The following TASP1 variants were observed in gnomAD, a reference collection of about 807,000 sequenced individuals.
TASP1 encodes the protein threonine aspartase 1.
In TASP1, 16 loss-of-function variants were observed where a neutral mutation model predicts 56.6. The ratio of observed to expected loss-of-function variants is 0.28; its 90% CI spans 0.19 to 0.43. The LOEUF (loss-of-function observed/expected upper bound fraction) is 0.43. Ranked by LOEUF, TASP1 falls within the 20% of genes least tolerant of loss-of-function variation. TASP1 has a pLI of 1.00. For synonymous variants in TASP1, 179 were observed against 184.2 expected (o/e 0.97, Z 0.23); for missense variants, 393 against 511.6 (o/e 0.77, Z 2.24).
At chr20:13,330,178 C>T in the TASP1 span, among the ~76,000 whole-genome samples, 2 of 152,182 alleles carry the variant, frequency 1.3e-5, no homozygotes, top group Non-Finnish European at 2.9e-5. Flanking sequence ...GCTGTCTGAA[C>T]TCCTGACCTC....
At chr20:13,153,906 C>T in the TASP1 span, 2 of 1,495,832 alleles carry the variant, frequency 1.3e-6, no homozygotes, top group African/African-American at 2.8e-5. Context: ...GTGCTGCTGG[C>T]CTGCAGAAAG....
chr20:13,638,362 T>C (rs911245186), intron 1 of TASP1, among the ~76,000 whole-genome samples: 4 of 150,586 alleles, frequency 2.7e-5, no homozygotes, highest in Admixed American at 6.6e-5. Context: ...GCTCCTGCTT[T>C]CCCCCCCTCC....
At chr20:13,393,569 T>C in intron 13 of TASP1, 1 of 857,748 alleles carries the variant, frequency 1.2e-6, no homozygotes, top group East Asian at 2.4e-5. Context: ...GGGCTGGCAA[T>C]GCCCTCAACA....
intron 10 of TASP1, among the ~76,000 whole-genome samples, chr20:13,506,134 TTAGA>T (rs2044122571): frequency 6.6e-6 from 1 of 152,010 alleles, no homozygotes; most frequent in Non-Finnish European, 1.5e-5. Flanking sequence ...TGCTAACAAA[TTAGA>T]TAACCTAGTA....
chr20:13,309,287 A>T, the TASP1 span, among the ~76,000 whole-genome samples: 1 of 144,524 alleles, frequency 6.9e-6, no homozygotes, highest in African/African-American at 2.5e-5. Flanking sequence ...TTATTTCTTT[A>T]AAAAAAAAAA....
At chr20:13,583,998 G>C (rs1601338019) in intron 5 of TASP1, among the ~76,000 whole-genome samples, 1 of 152,216 alleles carries the variant, frequency 6.6e-6, no homozygotes, top group African/African-American at 2.4e-5. Context: ...AGAATCACTT[G>C]AACCCAAGAG....
rs752863771 is a variant in TASP1, at chr20:13,634,835, C to A, written c.-75+4059G>T. ...CCTGAGGTCGGGAGTTCAAGACCAG[C>A]CTGACCAACAAGGAGAAACCCCGTC... On this transcript the variant is annotated intron_variant, in intron 1 of 13. Transcript: ENST00000337743. Among the ~76,000 whole-genome samples, 41 of 151,472 alleles carry A rather than the reference C, an allele frequency of 2.7e-4. 1 individual carries two copies. Among genetic ancestry groups the A allele is most frequent in the Admixed American group, 6.6e-4 (10 of 15,202 alleles).
chr20:13,505,292 A>T (rs1353964359), intron 10 of TASP1, among the ~76,000 whole-genome samples: 1 of 152,204 alleles, frequency 6.6e-6, no homozygotes, highest in Non-Finnish European at 1.5e-5. Flanking sequence ...TGAAGAGGAC[A>T]GATAGCAATA....
At chr20:13,210,407 T>C in the TASP1 span, among the ~76,000 whole-genome samples, 1 of 152,182 alleles carries the variant, frequency 6.6e-6, no homozygotes, top group Non-Finnish European at 1.5e-5. Context: ...ATAATGCAAA[T>C]GTCCAAAAAT....
At position 13,502,737 on chromosome 20, in the gene TASP1, A is replaced by G. The variant is rs142275304; in HGVS notation, c.875-19400T>C. ...TGACATAAGCAAGATGGTGGAATAG[A>G]AGTTTTCTATCATCAATCCCCTAAA... On this transcript the variant is annotated intron_variant, in intron 10 of 13. Coordinates refer to ENST00000337743, the MANE Select transcript of TASP1 (RefSeq NM_017714.3). Among the ~76,000 whole-genome samples, 381 of 152,252 alleles carry G rather than the reference A, an allele frequency of 2.5e-3. 1 individual carries two copies. The highest frequency in any genetic ancestry group is 6.8e-3 in the Middle Eastern group (2 of 294).
At chr20:13,489,263 A>C (rs2043434813) in intron 10 of TASP1, among the ~76,000 whole-genome samples, 1 of 152,194 alleles carries the variant, frequency 6.6e-6, no homozygotes, top group Non-Finnish European at 1.5e-5. Context: ...CCTTAGCCTG[A>C]AAGTGACAAA....
At chr20:13,388,305 G>C (rs2041178875), downstream of TASP1, among the ~76,000 whole-genome samples, 1 of 152,028 alleles carries the variant, frequency 6.6e-6, no homozygotes, top group African/African-American at 2.4e-5. Context: ...TATCCGATCT[G>C]ATAAGGAAGG....
chr20:13,620,411 A>G (rs1168488559), intron 4 of TASP1, among the ~76,000 whole-genome samples: 2 of 152,222 alleles, frequency 1.3e-5, no homozygotes, highest in South Asian at 2.1e-4. Flanking sequence ...CATTTTTTAA[A>G]TATACAGCCA....
chr20:13,125,289 C>G, the TASP1 span, among the ~76,000 whole-genome samples: 1 of 152,182 alleles, frequency 6.6e-6, no homozygotes, highest in Non-Finnish European at 1.5e-5. Flanking sequence ...CACTGAAAAC[C>G]AGCATTCTGG....
chr20:13,547,925 A>G (rs945395522), intron 8 of TASP1, among the ~76,000 whole-genome samples: 11 of 152,202 alleles, frequency 7.2e-5, no homozygotes, highest in Admixed American at 4.6e-4. Context: ...ACTGGAAGAT[A>G]AAGACATCAA....
the TASP1 span, among the ~76,000 whole-genome samples, chr20:13,355,321 T>A: frequency 6.6e-6 from 1 of 152,164 alleles, no homozygotes; most frequent in Admixed American, 6.5e-5. Context: ...GGGATATAGA[T>A]CAGAGAGCAA....
intron 6 of TASP1, among the ~76,000 whole-genome samples, chr20:13,573,180 ACT>A (rs1462507696): frequency 2.0e-5 from 3 of 152,108 alleles, no homozygotes; most frequent in East Asian, 1.9e-4. Flanking sequence ...TCTCTTTTGG[ACT>A]CTGTTTTAAT....
chr20:13,623,412 C>A (rs1198611066), intron 4 of TASP1, 34 bp downstream of exon 4: 6 of 1,570,948 alleles, frequency 3.8e-6, no homozygotes, highest in Non-Finnish European at 5.2e-6. Flanking sequence ...GATAAACTCA[C>A]AAATATTTTA....
At chr20:13,223,265 A>G in the TASP1 span, among the ~76,000 whole-genome samples, 3 of 152,252 alleles carry the variant, frequency 2.0e-5, no homozygotes, top group East Asian at 5.8e-4. Context: ...ATTGTCTTTG[A>G]TAATTCACTT....
Sources: allele counts gnomAD v4.1 joint callset (sites outside exome capture counted in the v4.1 genomes callset), GRCh38; gene constraint gnomAD v4.1.1; transcripts MANE v1.5; gene names NCBI Gene and HGNC (gene_info 2026-07-23, HGNC 2026-07-21).